PHC1: variants seen among roughly 807,000 people sequenced by gnomAD.
PHC1 encodes polyhomeotic-like protein 1.
PHC1 carries 12 observed loss-of-function variants against 104.3 expected under a neutral mutation model. The ratio of observed to expected loss-of-function variants is 0.12; its 90% CI spans 0.07 to 0.19. The LOEUF is 0.19. Ranked by LOEUF, PHC1 falls within the 10% of genes least tolerant of loss-of-function variation. The probability of loss-of-function intolerance (pLI) is 1.00; values close to 1 mark genes in which losing one functional copy is unlikely to be tolerated. For missense variants in PHC1, 671 were observed against 1,200.0 expected, an observed-to-expected ratio of 0.56 and a Z score of 6.51; for synonymous variants, 302 against 455.8, an observed-to-expected ratio of 0.66 and a Z score of 4.30.
intron 11 of PHC1, among the ~76,000 whole-genome samples, chr12:8,935,918 G>T (rs929470777): frequency 6.6e-6 from 1 of 151,934 alleles, no homozygotes; most frequent in Non-Finnish European, 1.5e-5. Context: ...GCGCCACCAC[G>T]CCTGGCTAAT....
chr12:8,927,346 G>A (rs1272808356), intron 6 of PHC1, among the ~76,000 whole-genome samples: 2 of 152,146 alleles, frequency 1.3e-5, no homozygotes, highest in Non-Finnish European at 2.9e-5. Flanking sequence ...AAAGGAAGGT[G>A]GAACTGGGGA....
chr12:8,930,345 C>T (rs1039680507), intron 6 of PHC1, 90 bp from the exon 7 acceptor site: 71 of 1,522,436 alleles, frequency 4.7e-5, no homozygotes, highest in African/African-American at 3.6e-4. Context: ...CTGTGGAATA[C>T]GACACAATAG....
chr12:8,921,778 C>T, intron 5 of PHC1, 28 bp downstream of exon 5: 1 of 1,552,976 alleles, frequency 6.4e-7, no homozygotes, highest in Non-Finnish European at 8.7e-7. Flanking sequence ...TCACCATTGC[C>T]CCAGAGGCAT....
chr12:8,933,835 T>C (rs1945758805), intron 8 of PHC1, 30 bp from the exon 9 acceptor site: 1 of 1,586,130 alleles, frequency 6.3e-7, no homozygotes, highest in Admixed American at 1.7e-5. Flanking sequence ...TTTGTACATC[T>C]TTGTTTCTTT....
intron 7 of PHC1, among the ~76,000 whole-genome samples, chr12:8,932,252 C>T (rs192120368): frequency 3.9e-4 from 60 of 152,212 alleles, no homozygotes; most frequent in African/African-American, 1.3e-3. Context: ...TTGCTGAGTA[C>T]AGAGTAAAAG....
chr12:8,920,995 C>T lies in PHC1; in HGVS notation c.236C>T (p.Ala79Val). Residue 79 changes from alanine to valine, a missense_variant, in exon 4 of 15, where the codon GCT (alanine) becomes GTT (valine). By Grantham distance (64) the Ala-to-Val change is moderately conservative. Coordinates refer to ENST00000544916, the MANE Select transcript of PHC1 (RefSeq NM_004426.3). ...CTTCCCCTTTAATAGGCCACAATTG[C>T]TGCCAGTCGGCAGGCCAGCTCCCCA... ...SLAAVQQATI[A>V]ASRQASSPNT... is the part of the protein sequence containing the mutation. The T allele has an allele frequency of 3.1e-6, 5 of 1,612,364 alleles. No individual in the cohort carries two copies. Among genetic ancestry groups the T allele is most frequent in the Non-Finnish European group, 4.2e-6 (5 of 1,179,330 alleles).
At position 8,918,973 on chromosome 12, in the gene PHC1, C is replaced by T. The variant is rs145378105; in HGVS notation, c.115-783C>T. On this transcript the variant is annotated intron_variant, in intron 2 of 14. Coordinates refer to ENST00000544916, the MANE Select transcript of PHC1 (RefSeq NM_004426.3). ...GACCACTCCTGTGTATGTAGTCTGC[C>T]ATTGACCAAACAGTGGATATGTGGT... is the stretch of plus-strand genomic sequence containing the variant. Among the ~76,000 whole-genome samples, 25 of 152,284 alleles carry T rather than the reference C, an allele frequency of 1.6e-4. No individual in the cohort carries two copies. The East Asian group carries it at 4.2e-3, about 26-fold the overall frequency.
chr12:8,917,043 G>A (rs1945223342), intron 1 of PHC1, among the ~76,000 whole-genome samples: 1 of 152,350 alleles, frequency 6.6e-6, no homozygotes, highest in South Asian at 2.1e-4. Flanking sequence ...AGAAGCATGT[G>A]TTAGTCCAAA....
At chr12:8,935,590 G>A (rs1477153820) in intron 11 of PHC1, among the ~76,000 whole-genome samples, 2 of 151,780 alleles carry the variant, frequency 1.3e-5, no homozygotes, top group Admixed American at 6.6e-5. Context: ...GCACGCCACC[G>A]CACTCCAGCC....
At chr12:8,931,900 A>G (rs758976807) in intron 7 of PHC1, among the ~76,000 whole-genome samples, 169 of 152,288 alleles carry the variant, frequency 1.1e-3, no homozygotes, top group African/African-American at 4.0e-3. Context: ...AAATTGCTTT[A>G]TCATCACATG....
chr12:8,934,513 G>A (rs775285753), intron 10 of PHC1, 35 bp downstream of exon 10: 1 of 1,511,128 alleles, frequency 6.6e-7, no homozygotes, highest in East Asian at 2.3e-5. Flanking sequence ...ACTTTGAAGT[G>A]GGGACTTGGT....
chr12:8,933,256 G>C lies in PHC1; in HGVS notation c.1799G>C (p.Gly600Ala). 6.7e-7 allele frequency: 1 copy of C among 1,488,730 alleles called. No homozygotes were observed. The highest frequency in any genetic ancestry group is 9.0e-7 in the Non-Finnish European group (1 of 1,106,130). 92.2% of individuals were successfully genotyped at this position (1,488,730 alleles called of 1,614,324 possible). Residue 600 changes from glycine (G) to alanine (A), a missense_variant, in exon 8 of 15, where the codon GGG (glycine) becomes GCG (alanine). By Grantham distance (60) the Gly-to-Ala change is moderately conservative. Coordinates refer to ENST00000544916, the MANE Select transcript of PHC1 (RefSeq NM_004426.3). ...APGMTLAPVQ[G>A]TAHVVKGGAT... ...GGGATGACCCTTGCTCCTGTGCAGG[G>C]GACAGCACATGTGGTAAAGGGTGGG...
chr12:8,926,399 C>G (rs1945511705), intron 6 of PHC1, among the ~76,000 whole-genome samples: 1 of 152,088 alleles, frequency 6.6e-6, no homozygotes, highest in South Asian at 2.1e-4. Context: ...GGCGGATCAC[C>G]TGAGATCAGG....
rs758469532 is a variant in PHC1 at position 8,934,279 on chromosome 12, C to T, written c.2054C>T (p.Ser685Leu). The change falls in exon 10 of 15, where the codon TCA becomes TTA. Residue 685 changes from serine (S) to leucine (L), a missense_variant. This residue lies in a region of PHC1 where 95 missense variants were observed against 108.8 expected (regional missense o/e 0.87). Transcript: ENST00000544916. ...EKSSLGEKAE[S>L]VANVNANTPS... ...GTTTGTTTTCCAGAAAAAGCTGAAT[C>T]AGTGGCTAATGTGAATGCTAATACT... The T allele has an allele frequency of 1.9e-5, 31 of 1,613,198 alleles. No homozygotes were observed. Among genetic ancestry groups the T allele is most frequent in the Non-Finnish European group, 2.5e-5 (30 of 1,179,536 alleles).
chr12:8,921,313 A>G (rs1014656670), intron 4 of PHC1, among the ~76,000 whole-genome samples: 1 of 152,168 alleles, frequency 6.6e-6, no homozygotes, highest in Admixed American at 6.5e-5. Flanking sequence ...AAAGAAGGGG[A>G]CTAATCCCTG....
intron 1 of PHC1, chr12:8,916,197 G>A (rs1302277461): frequency 6.6e-6 from 1 of 152,054 alleles, no homozygotes; most frequent in Non-Finnish European, 1.5e-5. Context: ...ACATTTGCTA[G>A]TCCTAAATGA....
In PHC1 at chr12:8,917,759, C is replaced by G; in HGVS notation, c.82C>G (p.Gln28Glu). 1 of 1,578,882 alleles carries G rather than the reference C, an allele frequency of 6.3e-7. No individual in the cohort carries two copies. Among genetic ancestry groups the G allele is most frequent in the Non-Finnish European group, 8.6e-7 (1 of 1,162,188 alleles). ...SGGSSRPQIA[Q>E]MSLYERQAVQ... ...GGGCAGCTCTCGGCCCCAGATAGCT[C>G]AAATGTCACTTTATGAACGACAAGC... The change falls in exon 2 of 15, where the codon CAA becomes GAA. Residue 28 changes from glutamine to glutamate, a missense_variant. Physicochemically the swap from Gln to Glu is conservative, Grantham distance 29. Around this residue, in one of 9 missense-constraint regions of PHC1, gnomAD observed 237 missense variants for 331.1 expected, o/e 0.72. Transcript: ENST00000544916.
intron 3 of PHC1, among the ~76,000 whole-genome samples, 155 bp from the exon 4 acceptor site, chr12:8,920,830 G>A (rs999545179): frequency 1.3e-5 from 2 of 152,224 alleles, no homozygotes; most frequent in African/African-American, 4.8e-5. Flanking sequence ...GAGGATCACT[G>A]GACTAGTGAA....
rs887753566 is a variant in PHC1 at position 8,914,766 on chromosome 12, G to A, written c.-110G>A. The A allele has an allele frequency of 2.2e-4, 33 of 153,482 alleles. No individual in the cohort carries two copies. The highest frequency in any genetic ancestry group is 7.9e-4 in the African/African-American group (33 of 41,586). The allele number at this position is 153,482 out of a possible 1,614,324, so 9.5% of individuals were successfully genotyped here. On this transcript the variant is annotated 5_prime_UTR_variant, in exon 1 of 15. Coordinates refer to ENST00000544916, the MANE Select transcript of PHC1 (RefSeq NM_004426.3). ...GCCCCCAGCCCAGCCTGGCGACTGG[G>A]GACCCCGGCACATGAGGTGGACGCC...
Sources: allele counts gnomAD v4.1 joint callset (sites outside exome capture counted in the v4.1 genomes callset), GRCh38; gene constraint gnomAD v4.1.1; regional missense constraint gnomAD v4.1.1; transcripts MANE v1.5; gene names NCBI Gene and HGNC (gene_info 2026-07-23, HGNC 2026-07-21).